Variants in STK11 observed in about 807,000 individuals in gnomAD.
STK11 encodes the protein serine/threonine kinase 11, also known as serine/threonine-protein kinase STK11.
Under a neutral mutation model 47.3 loss-of-function variants are expected in STK11, and 8 were observed. The ratio of observed to expected loss-of-function variants is 0.17; its 90% confidence interval spans 0.10 to 0.31. The LOEUF (loss-of-function observed/expected upper bound fraction) is 0.31. STK11 is among the 10% of genes least tolerant of loss of function. The pLI is 1.00. For missense variants in STK11, 475 were observed against 605.0 expected (o/e 0.79, Z 2.25); for synonymous variants, 330 against 255.8 (o/e 1.29, Z -2.77).
intron 1 of STK11, among the ~76,000 whole-genome samples, chr19:1,208,606 C>CTTTT (rs2080686263): frequency 1.1e-5 from 1 of 93,560 alleles, no homozygotes; most frequent in African/African-American, 5.4e-5. Flanking sequence ...ACGCGTGCGG[C>CTTTT]CTTTTTTTTT....
In STK11 at chr19:1,226,618, C is replaced by T. The variant is rs754853898; in HGVS notation, c.1273C>T (p.Arg425Cys). Residue 425 changes from arginine (R) to cysteine (C), a missense_variant, in exon 9 of 10, where the codon CGC becomes TGC. Transcript: ENST00000326873. ...GGCCTGCTCCGCCAGCAGCAAGATC[C>T]GCCGGCTGTCGGCCTGCAAGCAGCA... ...RKACSASSKI[R>C]RLSACKQQ The T allele has an allele frequency of 3.2e-6, 5 of 1,548,540 alleles. No individual in the cohort carries two copies. Among genetic ancestry groups the T allele is most frequent in the Non-Finnish European group, 4.4e-6 (5 of 1,147,748 alleles).
intron 8 of STK11, chr19:1,225,050 G>A: frequency 1.0e-6 from 1 of 985,782 alleles, no homozygotes; most frequent in Non-Finnish European, 1.2e-6. Flanking sequence ...TACCCAGGAT[G>A]CGGGTCCTGC....
At chr19:1,218,287 T>A in intron 1 of STK11, 130 bp from the exon 2 acceptor site, 1 of 781,714 alleles carries the variant, frequency 1.3e-6, no homozygotes, top group Non-Finnish European at 2.2e-6. Flanking sequence ...CACTGTGAAC[T>A]CACAGCTTCT....
intron 8 of STK11, chr19:1,226,220 T>C: frequency 7.3e-7 from 1 of 1,370,840 alleles, no homozygotes; most frequent in Non-Finnish European, 9.4e-7. Context: ...GCAACAGACG[T>C]GGTGGAGGGG....
intron 8 of STK11, chr19:1,225,788 A>G: frequency 1.0e-6 from 1 of 985,536 alleles, no homozygotes; most frequent in Non-Finnish European, 1.2e-6. Context: ...GTCCTCGCCA[A>G]CCACCACGGC....
chr19:1,210,968 G>C (rs1452017572), intron 1 of STK11, among the ~76,000 whole-genome samples: 1 of 151,850 alleles, frequency 6.6e-6, no homozygotes, highest in Non-Finnish European at 1.5e-5. Context: ...TGAGACCAGC[G>C]TGGCCAACAT....
At chr19:1,212,626 C>G (rs1365299193) in intron 1 of STK11, among the ~76,000 whole-genome samples, 2 of 152,244 alleles carry the variant, frequency 1.3e-5, no homozygotes, top group East Asian at 1.9e-4. Context: ...AGTGCTGTGG[C>G]ACGATCTTGG....
chr19:1,221,166 A>C (rs766548386), intron 5 of STK11, 47 bp from the exon 6 acceptor site: 29 of 1,605,962 alleles, frequency 1.8e-5, no homozygotes, highest in Non-Finnish European at 2.5e-5. Context: ...CTAGGGCGTC[A>C]ACCACCTTGA....
At chr19:1,220,560 G>A (rs780664377) in intron 4 of STK11, 21 bp from the exon 5 acceptor site, 2 of 1,575,244 alleles carry the variant, frequency 1.3e-6, no homozygotes, top group Non-Finnish European at 1.7e-6. Flanking sequence ...ACTCCCTGAG[G>A]GCTGCACGGC....
At chr19:1,224,081 G>C in intron 8 of STK11, 2 of 997,342 alleles carry the variant, frequency 2.0e-6, no homozygotes, top group Non-Finnish European at 1.2e-6. Flanking sequence ...CCCCCCATTA[G>C]GTCCCTCAGC....
chr19:1,226,667 G>T lies in STK11; in HGVS notation c.*16+4G>T, dbSNP rs935594602. 3 of 1,491,514 alleles carry T rather than the reference G, an allele frequency of 2.0e-6. No homozygotes were observed. Among genetic ancestry groups the T allele is most frequent in the African/African-American group, 2.8e-5 (2 of 70,856 alleles). The allele number at this position is 1,491,514 out of a possible 1,614,324, so 92.4% of individuals were successfully genotyped here. A position where few individuals can be genotyped will look rare whatever the true frequency, so the allele number is the denominator to read the frequency against. ...CAGTGAGGCTGGCCGCCTGCAGGTGGGGCGCGGCGGGGCCCGGGTGGGGCA... is the reference window on the plus strand; with the variant it reads ...CAGTGAGGCTGGCCGCCTGCAGGTGTGGCGCGGCGGGGCCCGGGTGGGGCA... On this transcript the variant is annotated splice_donor_region_variant and intron_variant, in intron 9 of 9. Coordinates refer to ENST00000326873, the MANE Select transcript of STK11 (RefSeq NM_000455.5).
chr19:1,207,555 G>T (rs2080676560), intron 1 of STK11, among the ~76,000 whole-genome samples: 1 of 152,210 alleles, frequency 6.6e-6, no homozygotes, highest in African/African-American at 2.4e-5. Context: ...GCGCCCAGTG[G>T]AATCAGCCTG....
chr19:1,224,553 A>G (rs966010797), intron 8 of STK11: 5 of 985,346 alleles, frequency 5.1e-6, no homozygotes, highest in African/African-American at 1.7e-5. Context: ...GCAGGTTGCG[A>G]GAGTCCCTAC....
intron 1 of STK11, chr19:1,216,167 A>G (rs895621923): frequency 1.3e-5 from 2 of 159,506 alleles, no homozygotes; most frequent in African/African-American, 4.8e-5. Flanking sequence ...CATTAAGTAC[A>G]TTCACACGGC....
At chr19:1,209,179 TGCC>T (rs2080692136) in intron 1 of STK11, among the ~76,000 whole-genome samples, 1 of 150,576 alleles carries the variant, frequency 6.6e-6, no homozygotes, top group Non-Finnish European at 1.5e-5. Context: ...GCAGAGCCTG[TGCC>T]TGGTCTCTGT....
intron 6 of STK11, chr19:1,221,574 C>G (rs2080784741): frequency 1.5e-6 from 1 of 651,492 alleles, no homozygotes; most frequent in African/African-American, 1.8e-5. Context: ...GGCAGTGCTG[C>G]CCTGCGCCTC....
chr19:1,219,441 G>GAGGC, intron 3 of STK11, 28 bp downstream of exon 3: 1 of 1,541,604 alleles, frequency 6.5e-7, no homozygotes, highest in Non-Finnish European at 8.7e-7. Flanking sequence ...GGGCCAGGGT[G>GAGGC]GGGCGGGGGC....
At chr19:1,225,264 G>A (rs958862080) in intron 8 of STK11, 18 of 985,134 alleles carry the variant, frequency 1.8e-5, no homozygotes, top group African/African-American at 5.2e-5. Flanking sequence ...TCCTCACCAA[G>A]GTCTTTTTTA....
Position 1,220,502 on chromosome 19 carries a change from C to T in STK11, c.594C>T (p.Ala198=), listed in dbSNP as rs772940660. The T allele has an allele frequency of 1.3e-5, 21 of 1,602,678 alleles. No individual in the cohort carries two copies. The highest frequency in any genetic ancestry group is 1.7e-5 in the Non-Finnish European group (20 of 1,175,134). The stretch of plus-strand genomic sequence containing the variant: ...TCAAAATCTCCGACCTGGGCGTGGC[C>T]GAGGTAGGCACGTGCTAGGGGGGGC... ...GTLKISDLGV[A]EALHPFAADD... Residue 198 remains alanine, a synonymous_variant, in exon 4 of 10, where the codon GCC becomes GCT. Coordinates refer to ENST00000326873, the MANE Select transcript of STK11 (RefSeq NM_000455.5).
Sources: gnomAD v4.1 joint callset for allele counts (sites outside exome capture counted in the v4.1 genomes callset) on GRCh38, gnomAD v4.1.1 for gene constraint, MANE v1.5 for transcripts, NCBI Gene and HGNC (gene_info 2026-07-23, HGNC 2026-07-21) for gene names.